Variants in EAF2 observed in about 807,000 individuals in gnomAD.
EAF2 encodes the protein ELL-associated factor 2.
In EAF2, 29 loss-of-function variants were observed where a neutral mutation model predicts 29.4. The observed-to-expected ratio is 0.99, with a 90% CI of 0.73 to 1.35. EAF2 has a LOEUF of 1.35. Among genes scored for constraint, EAF2 ranks in the 40% most tolerant of loss-of-function variants. The pLI is 0.00. For synonymous variants in EAF2, 103 were observed against 102.5 expected, an observed-to-expected ratio of 1.00 and a Z score of -0.03; for missense variants, 292 against 312.0, an observed-to-expected ratio of 0.94 and a Z score of 0.48.
chr3:121,865,230 G>A (rs905848294), intron 4 of EAF2, among the ~76,000 whole-genome samples: 3 of 151,678 alleles, frequency 2.0e-5, no homozygotes, highest in African/African-American at 7.3e-5. Flanking sequence ...GCAACATGGT[G>A]AAACCTCATC....
chr3:121,869,245 G>C (rs1477968117), intron 4 of EAF2, among the ~76,000 whole-genome samples: 1 of 152,156 alleles, frequency 6.6e-6, no homozygotes, highest in Non-Finnish European at 1.5e-5. Context: ...GGCACTAAAT[G>C]CTTACATTAG....
Position 121,857,053 on chromosome 3 carries a change from G to A in EAF2, c.381G>A (p.Gln127=). Residue 127 remains glutamine, a synonymous_variant, in exon 4 of 6, where the codon CAG becomes CAA. Coordinates refer to ENST00000273668, the MANE Select transcript of EAF2 (RefSeq NM_018456.6). ...AAATTCAGTATCGTAAAGAACAACAGCAACAACAAATGTGGAATTCAGCCA... is the reference window on the plus strand; with the variant it reads ...AAATTCAGTATCGTAAAGAACAACAACAACAACAAATGTGGAATTCAGCCA... ...SSKIQYRKEQ[Q]QQQMWNSART... The A allele has an allele frequency of 1.2e-6, 2 of 1,613,646 alleles. No homozygotes were observed. The highest frequency in any genetic ancestry group is 2.2e-5 in the East Asian group (1 of 44,834).
rs1368560108 is a variant in EAF2 at position 121,857,107 on chromosome 3, A to G, written c.435A>G (p.Pro145=). 1 of 1,613,708 alleles carries G rather than the reference A, an allele frequency of 6.2e-7. No individual in the cohort carries two copies. The highest frequency in any genetic ancestry group is 1.3e-5 in the African/African-American group (1 of 74,926). ...ARTPNLVKHS[P]SEDKMSPASP... The stretch of plus-strand genomic sequence containing the variant: ...CTCCCAATCTTGTAAAACATTCTCC[A>G]TCTGAAGATAAGATGTCCCCAGCAT... The change falls in exon 4 of 6, where the codon CCA becomes CCG. Residue 145 remains proline, a synonymous_variant. Transcript: ENST00000273668.
chr3:121,865,718 C>T (rs541320541), intron 4 of EAF2, among the ~76,000 whole-genome samples: 42 of 152,198 alleles, frequency 2.8e-4, no homozygotes, highest in African/African-American at 9.9e-4. Context: ...TTCTACTCCC[C>T]TACCCGGAGA....
At chr3:121,878,370 C>T (rs1709136785) in intron 5 of EAF2, among the ~76,000 whole-genome samples, 7 of 152,148 alleles carry the variant, frequency 4.6e-5, no homozygotes. Flanking sequence ...TTAGGATATA[C>T]ATTACCTCAA....
intron 2 of EAF2, among the ~76,000 whole-genome samples, chr3:121,852,632 G>T (rs1708652131): frequency 6.6e-6 from 1 of 151,932 alleles, no homozygotes; most frequent in Non-Finnish European, 1.5e-5. Flanking sequence ...ATCTTTTATG[G>T]CATTTTCAAT....
At chr3:121,865,653 C>A (rs1446446841) in intron 4 of EAF2, among the ~76,000 whole-genome samples, 2 of 151,292 alleles carry the variant, frequency 1.3e-5, no homozygotes, top group African/African-American at 2.4e-5. Flanking sequence ...ATAGCAAGAC[C>A]CCATCTCTAT....
intron 1 of EAF2, chr3:121,836,279 T>A (rs1708279308): frequency 6.6e-6 from 1 of 152,318 alleles, no homozygotes; most frequent in African/African-American, 2.4e-5. Flanking sequence ...TCACTTCCTT[T>A]CCCCAGCCTT....
intron 3 of EAF2, among the ~76,000 whole-genome samples, chr3:121,856,486 T>C (rs1370076146): frequency 6.6e-6 from 1 of 152,088 alleles, no homozygotes; most frequent in African/African-American, 2.4e-5. Flanking sequence ...CCTGGATTTT[T>C]GTTTTTGTTT....
In EAF2 at chr3:121,839,805, A is replaced by G. The variant is rs555032124; in HGVS notation, c.106+4414A>G. Among the ~76,000 whole-genome samples, 9 of 152,366 alleles carry G rather than the reference A, an allele frequency of 5.9e-5. No individual in the cohort carries two copies. The South Asian group carries it at 1.9e-3, about 32-fold the overall frequency. ...ACAAGATCTCTTCTGTATCCATTAC[A>G]TTAAAAGCACTGTGCTAGAGCCACT... is the stretch of plus-strand genomic sequence containing the variant. On this transcript the variant is annotated intron_variant, in intron 1 of 5. Coordinates refer to ENST00000273668, the MANE Select transcript of EAF2 (RefSeq NM_018456.6).
intron 4 of EAF2, among the ~76,000 whole-genome samples, chr3:121,866,228 C>T (rs1708924035): frequency 1.3e-5 from 2 of 152,092 alleles, no homozygotes; most frequent in South Asian, 4.1e-4. Flanking sequence ...GGGACCCTAG[C>T]TGCTGGAGAT....
chr3:121,872,495 T>C (rs758570821), intron 4 of EAF2, 42 bp from the exon 5 acceptor site: 2 of 1,414,904 alleles, frequency 1.4e-6, no homozygotes, highest in Non-Finnish European at 1.9e-6. Flanking sequence ...TTATTTAGCA[T>C]TTTTTATTTA....
rs764152300 is a variant in EAF2 at position 121,854,843 on chromosome 3, A to G, written c.338+20A>G. The stretch of plus-strand genomic sequence containing the variant: ...AACAAGGTATGTGGTTTAATGAAAT[A>G]AATTATATTATAAACATAAATTTCT... On this transcript the variant is annotated intron_variant, in intron 3 of 5. Transcript: ENST00000273668. The G allele has an allele frequency of 3.3e-6, 5 of 1,521,556 alleles. No individual in the cohort carries two copies. The South Asian group carries it at 6.6e-5, about 20-fold the overall frequency. 94.3% of individuals were successfully genotyped at this position (1,521,556 alleles called of 1,614,324 possible). A position where few individuals can be genotyped will look rare whatever the true frequency, so the allele number is the denominator to read the frequency against.
intron 5 of EAF2, among the ~76,000 whole-genome samples, chr3:121,877,706 T>C (rs1204096265): frequency 7.2e-5 from 11 of 151,886 alleles, no homozygotes; most frequent in Non-Finnish European, 1.0e-4. Context: ...ATAAATAAAA[T>C]AGCAGTTTTG....
At chr3:121,855,191 A>G (rs1708698657) in intron 3 of EAF2, among the ~76,000 whole-genome samples, 2 of 152,216 alleles carry the variant, frequency 1.3e-5, no homozygotes, top group South Asian at 2.1e-4. Flanking sequence ...TACTAGAAAA[A>G]GGAAAGTTTG....
intron 5 of EAF2, among the ~76,000 whole-genome samples, chr3:121,882,886 T>A (rs2107551193): frequency 6.6e-6 from 1 of 151,658 alleles, no homozygotes; most frequent in South Asian, 2.1e-4. Flanking sequence ...ATTACTGCAA[T>A]CATCCCATTG....
intron 2 of EAF2, among the ~76,000 whole-genome samples, chr3:121,845,072 G>A (rs1708500666): frequency 1.1e-4 from 16 of 152,190 alleles, no homozygotes; most frequent in Admixed American, 1.0e-3. Context: ...AAACAGAACA[G>A]TATGTGAAAA....
intron 5 of EAF2, among the ~76,000 whole-genome samples, chr3:121,879,550 G>C (rs375312415): frequency 6.7e-6 from 1 of 150,356 alleles, no homozygotes; most frequent in Non-Finnish European, 1.5e-5. Flanking sequence ...AATCCATTTT[G>C]ATTTTATTTT....
chr3:121,886,183 T>C (rs1176836858), intron 5 of EAF2, among the ~76,000 whole-genome samples, 159 bp from the exon 6 acceptor site: 3 of 152,144 alleles, frequency 2.0e-5, no homozygotes, highest in Non-Finnish European at 2.9e-5. Flanking sequence ...CACACAGTAT[T>C]ATTTGAGTTA....
Sources: gnomAD v4.1 joint callset for allele counts (sites outside exome capture counted in the v4.1 genomes callset) on GRCh38, gnomAD v4.1.1 for gene constraint, MANE v1.5 for transcripts, NCBI Gene and HGNC (gene_info 2026-07-23, HGNC 2026-07-21) for gene names.